USP8: variants seen among roughly 807,000 people sequenced by gnomAD.
USP8 encodes ubiquitin specific peptidase 8.
Under a neutral mutation model 130.0 loss-of-function variants are expected in USP8, and 27 were observed. The ratio of observed to expected loss-of-function variants is 0.21; its 90% CI spans 0.15 to 0.29. The LOEUF is 0.29. Ranked by LOEUF, USP8 falls within the 10% of genes least tolerant of loss-of-function variation. USP8 has a pLI of 1.00. For synonymous variants in USP8, 392 were observed against 444.1 expected, an observed-to-expected ratio of 0.88 and a Z score of 1.48; for missense variants, 1,029 against 1,312.2, an observed-to-expected ratio of 0.78 and a Z score of 3.33.
chr15:50,495,487 G>GT (rs1555392695), intron 16 of USP8, among the ~76,000 whole-genome samples: 1 of 123,696 alleles, frequency 8.1e-6, no homozygotes, highest in South Asian at 2.8e-4. Context: ...AGAGATTGGA[G>GT]GGGGGGGTCT....
intron 1 of USP8, among the ~76,000 whole-genome samples, chr15:50,427,244 A>G (rs765923344): frequency 3.3e-5 from 5 of 152,126 alleles, no homozygotes; most frequent in South Asian, 2.1e-4. Context: ...CCCATTTCCA[A>G]TTTCTTTAAC....
At chr15:50,493,352 A>G in intron 15 of USP8, 1 of 520,310 alleles carries the variant, frequency 1.9e-6, no homozygotes, top group Non-Finnish European at 3.8e-6. Context: ...CAGTATGTGA[A>G]TAATTTCATG....
intron 17 of USP8, among the ~76,000 whole-genome samples, chr15:50,496,521 A>G (rs1385835799): frequency 6.6e-6 from 1 of 151,826 alleles, no homozygotes; most frequent in East Asian, 1.9e-4. Flanking sequence ...GTAAAACTCA[A>G]TATAAATTCT....
chr15:50,474,924 C>A (rs779575149), intron 8 of USP8, among the ~76,000 whole-genome samples: 5 of 152,082 alleles, frequency 3.3e-5, no homozygotes, highest in Non-Finnish European at 7.4e-5. Flanking sequence ...GCCTGGCCAA[C>A]ATGGCGAAAC....
chr15:50,425,474 G>A (rs558845490), intron 1 of USP8, among the ~76,000 whole-genome samples: 1 of 152,334 alleles, frequency 6.6e-6, no homozygotes, highest in South Asian at 2.1e-4. Flanking sequence ...GTTGGTGAAT[G>A]TCATTCATGA....
At chr15:50,490,717 C>A (rs1230827700) in intron 14 of USP8, among the ~76,000 whole-genome samples, 192 bp downstream of exon 14, 1 of 152,046 alleles carries the variant, frequency 6.6e-6, no homozygotes, top group East Asian at 1.9e-4. Flanking sequence ...CAAGTGCTCA[C>A]TTAATATCAT....
intron 3 of USP8, among the ~76,000 whole-genome samples, chr15:50,445,055 G>A (rs1366668522): frequency 6.6e-6 from 1 of 152,126 alleles, no homozygotes; most frequent in African/African-American, 2.4e-5. Context: ...ACCTTGCCCA[G>A]TTGCAGAACT....
chr15:50,425,447 G>A (rs191566158), intron 1 of USP8, among the ~76,000 whole-genome samples: 21 of 152,302 alleles, frequency 1.4e-4, no homozygotes, highest in African/African-American at 4.8e-4. Context: ...CATTTCAGCC[G>A]ATTCTGTTTA....
At chr15:50,426,811 TTGAA>T in intron 1 of USP8, 1 of 152,338 alleles carries the variant, frequency 6.6e-6, no homozygotes, top group East Asian at 1.9e-4. Flanking sequence ...ACCCTCACCT[TTGAA>T]AGGAAAAATG....
At chr15:50,466,598 A>G (rs2051196886) in intron 7 of USP8, 1 of 154,862 alleles carries the variant, frequency 6.5e-6, no homozygotes, top group Admixed American at 6.5e-5. Flanking sequence ...CTGTCTCAAA[A>G]AAAAAAAAAA....
chr15:50,425,657 G>T (rs28718131), intron 1 of USP8, among the ~76,000 whole-genome samples: 6,613 of 151,132 alleles, frequency 0.044, 154 homozygotes, highest in South Asian at 0.092. Flanking sequence ...CCCTGTAGTA[G>T]TTTAAAAAAA....
chr15:50,424,586 C>A, intron 1 of USP8, 72 bp downstream of exon 1: 1 of 398,200 alleles, frequency 2.5e-6, no homozygotes, highest in Non-Finnish European at 4.4e-6. Context: ...AACGCCTTTC[C>A]TTCCACCAGC....
chr15:50,457,757 A>G, intron 4 of USP8, among the ~76,000 whole-genome samples: 1 of 150,998 alleles, frequency 6.6e-6, no homozygotes. Context: ...GCTACTCAGG[A>G]GGCTGAGTCA....
intron 11 of USP8, among the ~76,000 whole-genome samples, chr15:50,483,062 T>C (rs1313643367): frequency 1.3e-5 from 2 of 152,230 alleles, no homozygotes; most frequent in African/African-American, 2.4e-5. Context: ...GAGCAAAACA[T>C]GTGCACTCCA....
At chr15:50,440,560 A>G in intron 2 of USP8, among the ~76,000 whole-genome samples, 1 of 152,082 alleles carries the variant, frequency 6.6e-6, no homozygotes, top group South Asian at 2.1e-4. Flanking sequence ...TATTATTATT[A>G]CTCTGTAATG....
intron 12 of USP8, 91 bp from the exon 13 acceptor site, chr15:50,489,708 CAA>C: frequency 1.2e-6 from 1 of 822,040 alleles, no homozygotes; most frequent in Non-Finnish European, 1.7e-6. Context: ...TTCTTTGGTA[CAA>C]GTAGCTTAAG....
intron 3 of USP8, among the ~76,000 whole-genome samples, chr15:50,443,401 A>G (rs2050322715): frequency 6.6e-6 from 1 of 152,054 alleles, no homozygotes; most frequent in African/African-American, 2.4e-5. Context: ...AATGACTTTA[A>G]TATTTTACTT....
At chr15:50,494,844 G>A (rs148887035) in intron 16 of USP8, among the ~76,000 whole-genome samples, 1,610 of 151,996 alleles carry the variant, frequency 0.011, 28 homozygotes, top group African/African-American at 0.036. Flanking sequence ...GCAAAACCTC[G>A]TCTCTACTAA....
In USP8 at chr15:50,490,357, C is replaced by T. The variant is rs2141317518; in HGVS notation, c.2066C>T (p.Pro689Leu). 1.2e-6 allele frequency: 2 copies of T among 1,613,966 alleles called. No individual in the cohort carries two copies. Among genetic ancestry groups the T allele is most frequent in the South Asian group, 1.1e-5 (1 of 91,074 alleles). ...YPPEMAPSSA[P>L]PSTPPTHKAK... ...CCGGAAATGGCTCCTTCATCTGCAC[C>T]TCCTTCCACCCCTCCAACTCATAAA... Residue 689 changes from proline (P) to leucine (L), a missense_variant, in exon 14 of 20, where the codon CCT (proline) becomes CTT (leucine). Pro to Leu is a moderately conservative substitution (Grantham distance 98, BLOSUM62 -3). This residue lies in a region of USP8 where 486 missense variants were observed against 522.0 expected (regional missense o/e 0.93). Transcript: ENST00000307179.
Sources: allele counts gnomAD v4.1 joint callset (sites outside exome capture counted in the v4.1 genomes callset), GRCh38; gene constraint gnomAD v4.1.1; regional missense constraint gnomAD v4.1.1; transcripts MANE v1.5; gene names NCBI Gene and HGNC (gene_info 2026-07-23, HGNC 2026-07-21).